Variants in MYCBP2 observed in about 807,000 individuals in gnomAD.
MYCBP2 encodes E3 ubiquitin-protein ligase MYCBP2.
A neutral mutation model predicts 525.3 loss-of-function variants in MYCBP2; 120 were observed. That is an observed-to-expected ratio of 0.23 (90% CI 0.20 to 0.27). MYCBP2 has a LOEUF of 0.27. Among genes scored for constraint, MYCBP2 ranks in the 10% least tolerant of loss-of-function variants. The pLI is 1.00. For synonymous variants in MYCBP2, 1,894 were observed against 1,955.8 expected (o/e 0.97, Z 0.83); for missense variants, 4,149 against 5,657.1 (o/e 0.73, Z 8.55).
chr13:77,225,387 GA>G, intron 19 of MYCBP2, 47 bp downstream of exon 19: 1 of 1,609,612 alleles, frequency 6.2e-7, no homozygotes, highest in Non-Finnish European at 8.5e-7. Context: ...ATAAGTTACT[GA>G]GCACAATTGT....
At chr13:77,293,851 G>C (rs1223135691) in intron 2 of MYCBP2, among the ~76,000 whole-genome samples, 1 of 151,942 alleles carries the variant, frequency 6.6e-6, no homozygotes, top group Non-Finnish European at 1.5e-5. Context: ...CCTCCAGAAG[G>C]AATAAAGCCT....
chr13:77,159,859 C>T (rs2057674526), intron 44 of MYCBP2, among the ~76,000 whole-genome samples: 2 of 152,062 alleles, frequency 1.3e-5, no homozygotes, highest in South Asian at 4.1e-4. Flanking sequence ...GATAGTTCTC[C>T]TTCACCTAGA....
chr13:77,171,724 T>C, intron 37 of MYCBP2, 90 bp from the exon 38 acceptor site: 1 of 1,248,456 alleles, frequency 8.0e-7, no homozygotes, highest in Non-Finnish European at 1.1e-6. Context: ...GAGATCCTCA[T>C]TTAATTTATA....
intron 46 of MYCBP2, among the ~76,000 whole-genome samples, chr13:77,155,465 G>A (rs1234180057): frequency 6.6e-6 from 1 of 152,002 alleles, no homozygotes; most frequent in Admixed American, 6.6e-5. Flanking sequence ...AGTTTTAAAT[G>A]AGATATTCAT....
chr13:77,285,758 C>A (rs557440646), intron 3 of MYCBP2, among the ~76,000 whole-genome samples: 2 of 151,326 alleles, frequency 1.3e-5, no homozygotes, highest in South Asian at 4.2e-4. Flanking sequence ...TGCACTCCAG[C>A]CTGGACAGCA....
intron 4 of MYCBP2, among the ~76,000 whole-genome samples, chr13:77,277,687 T>C (rs2075774934): frequency 6.6e-6 from 1 of 152,126 alleles, no homozygotes; most frequent in South Asian, 2.1e-4. Flanking sequence ...TAATTCCAAA[T>C]ACAAACTTTT....
chr13:77,155,892 T>C (rs1010267257), intron 46 of MYCBP2, among the ~76,000 whole-genome samples, 166 bp downstream of exon 46: 1 of 152,142 alleles, frequency 6.6e-6, no homozygotes, highest in Non-Finnish European at 1.5e-5. Flanking sequence ...ACTTGGACAC[T>C]TGGGGACTAA....
At chr13:77,184,165 T>A (rs1350993376) in intron 32 of MYCBP2, among the ~76,000 whole-genome samples, 2 of 152,220 alleles carry the variant, frequency 1.3e-5, no homozygotes, top group Non-Finnish European at 2.9e-5. Context: ...TTTAGCTAAA[T>A]CCCACAAATT....
intron 16 of MYCBP2, among the ~76,000 whole-genome samples, chr13:77,243,443 T>C (rs1324333238): frequency 1.3e-5 from 2 of 151,884 alleles, no homozygotes; most frequent in African/African-American, 2.4e-5. Context: ...TGAAACCCCG[T>C]CTCTACTAAA....
At chr13:77,160,801 T>C (rs896127198) in intron 44 of MYCBP2, among the ~76,000 whole-genome samples, 1 of 152,194 alleles carries the variant, frequency 6.6e-6, no homozygotes, top group Non-Finnish European at 1.5e-5. Context: ...ATGGCAGAAT[T>C]AGAAAAACTA....
chr13:77,144,399 C>G (rs993566578), intron 49 of MYCBP2, 46 bp downstream of exon 49: 3 of 1,299,854 alleles, frequency 2.3e-6, no homozygotes, highest in Non-Finnish European at 3.3e-6. Flanking sequence ...AATTTTGACT[C>G]TAGTTATTTG....
At chr13:77,180,015 T>G in intron 34 of MYCBP2, 112 bp downstream of exon 34, 2 of 760,600 alleles carry the variant, frequency 2.6e-6, no homozygotes, top group South Asian at 4.0e-5. Context: ...GCATTGGGGT[T>G]GCTAATCCAA....
chr13:77,254,580 G>T (rs1226996728), intron 14 of MYCBP2, among the ~76,000 whole-genome samples: 1 of 151,664 alleles, frequency 6.6e-6, no homozygotes, highest in Non-Finnish European at 1.5e-5. Context: ...ATCAAATCTG[G>T]GTAACTGGGA....
chr13:77,119,158 T>TA (rs563014684), intron 55 of MYCBP2, among the ~76,000 whole-genome samples: 2 of 152,212 alleles, frequency 1.3e-5, no homozygotes, highest in Non-Finnish European at 2.9e-5. Flanking sequence ...GAATAGTATC[T>TA]AAAATATCGA....
At chr13:77,243,029 A>G in intron 17 of MYCBP2, 30 bp downstream of exon 17, 1 of 1,589,852 alleles carries the variant, frequency 6.3e-7, no homozygotes, top group Admixed American at 1.7e-5. Flanking sequence ...GTGGATTTTC[A>G]TGTACTTTTT....
chr13:77,088,812 T>C lies in MYCBP2; in HGVS notation c.10725+20A>G. 4 of 1,575,450 alleles carry C rather than the reference T, an allele frequency of 2.5e-6. No homozygotes were observed. Among genetic ancestry groups the C allele is most frequent in the Non-Finnish European group, 3.5e-6 (4 of 1,149,222 alleles). ...ATTTGTATAATCAATGAATCAGTAA[T>C]TTCATTAATGTCTTCATACCTCCAT... On this transcript the variant is annotated intron_variant, in intron 61 of 82. Transcript: ENST00000544440.
At chr13:77,310,842 A>G (rs1005161433) in intron 1 of MYCBP2, among the ~76,000 whole-genome samples, 2 of 152,126 alleles carry the variant, frequency 1.3e-5, no homozygotes, top group Admixed American at 6.5e-5. Flanking sequence ...CTAAAAATCA[A>G]TAAAAGGGAA....
intron 40 of MYCBP2, 140 bp downstream of exon 40, chr13:77,168,288 T>A: frequency 1.6e-6 from 1 of 640,250 alleles, no homozygotes; most frequent in Non-Finnish European, 2.7e-6. Flanking sequence ...CAACAGTGCC[T>A]AATCACCTGC....
intron 55 of MYCBP2, among the ~76,000 whole-genome samples, chr13:77,118,881 A>G (rs902883192): frequency 2.0e-5 from 3 of 152,356 alleles, no homozygotes; most frequent in Admixed American, 6.5e-5. Context: ...AGTTCCCAAC[A>G]ATGACTAATA....
Sources: allele counts gnomAD v4.1 joint callset (sites outside exome capture counted in the v4.1 genomes callset), GRCh38; gene constraint gnomAD v4.1.1; transcripts MANE v1.5; gene names NCBI Gene and HGNC (gene_info 2026-07-23, HGNC 2026-07-21).